Variants in DGKB observed in about 807,000 individuals in gnomAD.
DGKB encodes the protein diacylglycerol kinase beta.
In DGKB, 67 loss-of-function variants were observed where a neutral mutation model predicts 114.3. The ratio of observed to expected loss-of-function variants is 0.59; its 90% CI spans 0.48 to 0.72. DGKB has a LOEUF of 0.72. DGKB is among the 30% of genes least tolerant of loss of function. DGKB has a pLI of 0.00. For missense variants in DGKB, 907 were observed against 975.2 expected, an observed-to-expected ratio of 0.93 and a Z score of 0.93; for synonymous variants, 398 against 323.1, an observed-to-expected ratio of 1.23 and a Z score of -2.49.
chr7:14,846,346 G>T (rs1848626607), intron 1 of DGKB, among the ~76,000 whole-genome samples: 1 of 152,072 alleles, frequency 6.6e-6, no homozygotes, highest in African/African-American at 2.4e-5. Context: ...ATGACATGTA[G>T]CTAAATAGTA....
In DGKB at chr7:14,314,616, G is replaced by A. The variant is rs944423277; in HGVS notation, c.2122+23899C>T. ...AAAAAGAAATGAGCAAAGCCTCCAA[G>A]AACTACGGGACTATGTGAAAAGACC... is the stretch of plus-strand genomic sequence containing the variant. On this transcript the variant is annotated intron_variant, in intron 23 of 25. Transcript: ENST00000402815. Among the ~76,000 whole-genome samples, 3 of 152,194 alleles carry A rather than the reference G, an allele frequency of 2.0e-5. No individual in the cohort carries two copies. In the East Asian group the frequency reaches 5.8e-4, roughly 29 times the overall value.
intron 2 of DGKB, among the ~76,000 whole-genome samples, chr7:14,779,146 A>G (rs1032879069): frequency 7.9e-5 from 12 of 152,126 alleles, no homozygotes; most frequent in Non-Finnish European, 1.6e-4. Flanking sequence ...ACAGAGTGAG[A>G]CTCCATCTCA....
rs1831890984 is a variant in DGKB at position 14,737,385 on chromosome 7, G to C, written c.169-1191C>G. On this transcript the variant is annotated intron_variant, in intron 4 of 25. Transcript: ENST00000402815. ...GCTCTTAGTTTTGTTCACATTGCTG[G>C]CAGGTAAGAATAAAATTAACTTTGG... is the stretch of plus-strand genomic sequence containing the variant. Among the ~76,000 whole-genome samples the C allele has an allele frequency of 2.7e-5, 4 of 149,886 alleles. No homozygotes were observed. In the Admixed American group the frequency reaches 2.7e-4, roughly 10 times the overall value.
intron 23 of DGKB, among the ~76,000 whole-genome samples, chr7:14,188,895 AG>A (rs1269817023): frequency 5.9e-5 from 9 of 152,120 alleles, no homozygotes; most frequent in Non-Finnish European, 1.0e-4. Context: ...AAGTGCTGAA[AG>A]AAAAAAAAGC....
At chr7:14,149,888 C>A (rs1414944303) in intron 25 of DGKB, among the ~76,000 whole-genome samples, 1 of 152,142 alleles carries the variant, frequency 6.6e-6, no homozygotes, top group Non-Finnish European at 1.5e-5. Flanking sequence ...AGAGACTGTT[C>A]TAAAGCTACT....
intron 4 of DGKB, among the ~76,000 whole-genome samples, chr7:14,751,630 A>G (rs1346665149): frequency 1.3e-5 from 2 of 152,196 alleles, no homozygotes; most frequent in African/African-American, 4.8e-5. Context: ...GAAGCAATAC[A>G]ACAGACAATA....
chr7:14,839,683 T>C (rs1847656046), intron 2 of DGKB, among the ~76,000 whole-genome samples: 1 of 152,136 alleles, frequency 6.6e-6, no homozygotes, highest in African/African-American at 2.4e-5. Context: ...TAAATATTCG[T>C]AATATGATAA....
At chr7:14,305,733 C>G (rs1484015551) in intron 23 of DGKB, among the ~76,000 whole-genome samples, 2 of 152,240 alleles carry the variant, frequency 1.3e-5, no homozygotes, top group Admixed American at 1.3e-4. Flanking sequence ...TGCCAATGAT[C>G]TTATCATTGT....
At chr7:14,182,036 T>C (rs1279277329) in intron 23 of DGKB, among the ~76,000 whole-genome samples, 1 of 152,174 alleles carries the variant, frequency 6.6e-6, no homozygotes, top group Non-Finnish European at 1.5e-5. Context: ...CACTAACATG[T>C]AATTGAAATT....
At position 14,230,582 on chromosome 7, in the gene DGKB, C is replaced by T. The variant is rs182017024; in HGVS notation, c.2123-52431G>A. Among the ~76,000 whole-genome samples, 123 of 152,078 alleles carry T rather than the reference C, an allele frequency of 8.1e-4. 2 individuals carry two copies. The Middle Eastern group carries it at 0.017, about 21-fold the overall frequency. On this transcript the variant is annotated intron_variant, in intron 23 of 25. Coordinates refer to ENST00000402815, the MANE Select transcript of DGKB (RefSeq NM_001350709.2). ...TAACTAAACTCTTTCAAGTGAAAAA[C>T]GCATATAATAAGAGAATTATTGTAA...
At chr7:14,720,473 TTGTG>T (rs61654464) in intron 5 of DGKB, among the ~76,000 whole-genome samples, 4,855 of 136,442 alleles carry the variant, frequency 0.036, 87 homozygotes, top group Middle Eastern at 0.095. Flanking sequence ...CCCGGCTGAT[TTGTG>T]TGTGTGTGTG....
chr7:14,547,319 T>C (rs564477968), intron 20 of DGKB, among the ~76,000 whole-genome samples: 1 of 152,278 alleles, frequency 6.6e-6, no homozygotes, highest in East Asian at 1.9e-4. Context: ...TTTCTGTACA[T>C]ACCACATAAA....
intron 23 of DGKB, among the ~76,000 whole-genome samples, chr7:14,292,834 T>G (rs1801972494): frequency 6.6e-6 from 1 of 152,214 alleles, no homozygotes; most frequent in African/African-American, 2.4e-5. Context: ...GTGGCTACTC[T>G]TTATTAAAGA....
intron 2 of DGKB, among the ~76,000 whole-genome samples, chr7:14,810,263 T>C (rs1586660568): frequency 6.6e-6 from 1 of 152,350 alleles, no homozygotes; most frequent in African/African-American, 2.4e-5. Flanking sequence ...ACCTATTGTC[T>C]AGTTTCTACC....
intron 12 of DGKB, among the ~76,000 whole-genome samples, chr7:14,677,152 G>C (rs1050018780): frequency 7.9e-5 from 12 of 152,114 alleles, no homozygotes; most frequent in African/African-American, 2.9e-4. Context: ...AAAAGAAAGT[G>C]TGTGGATGTC....
chr7:14,419,340 G>C (rs1039523574), intron 21 of DGKB, among the ~76,000 whole-genome samples: 1 of 151,828 alleles, frequency 6.6e-6, no homozygotes, highest in Non-Finnish European at 1.5e-5. Context: ...AATTGTACTA[G>C]GAAATACACA....
chr7:14,681,601 T>G, intron 12 of DGKB, among the ~76,000 whole-genome samples: 1 of 152,030 alleles, frequency 6.6e-6, no homozygotes, highest in African/African-American at 2.4e-5. Context: ...GTAAAAACTT[T>G]AGTCCTGTAA....
rs1449245741 is a variant in DGKB, at chr7:14,315,751, A to G, written c.2122+22764T>C. Among the ~76,000 whole-genome samples, 7 of 151,318 alleles carry G rather than the reference A, an allele frequency of 4.6e-5. No homozygotes were observed. In the East Asian group the frequency reaches 5.8e-4, roughly 13 times the overall value. On this transcript the variant is annotated intron_variant, in intron 23 of 25. Transcript: ENST00000402815. ...GGACAGAAAGTCAACAAGGATACCC[A>G]GGAATTGAACTCAGCTCTGCACCAA... is the stretch of plus-strand genomic sequence containing the variant.
intron 20 of DGKB, among the ~76,000 whole-genome samples, chr7:14,503,523 G>A (rs1786533893): frequency 6.6e-6 from 1 of 152,034 alleles, no homozygotes; most frequent in African/African-American, 2.4e-5. Context: ...TATATTGGGA[G>A]TACCCTTGAG....
Sources: gnomAD v4.1 joint callset for allele counts (sites outside exome capture counted in the v4.1 genomes callset) on GRCh38, gnomAD v4.1.1 for gene constraint, MANE v1.5 for transcripts, NCBI Gene and HGNC (gene_info 2026-07-23, HGNC 2026-07-21) for gene names.